POLR1E: variants seen among roughly 807,000 people sequenced by gnomAD.
POLR1E encodes RNA polymerase I subunit E.
A neutral mutation model predicts 50.9 loss-of-function variants in POLR1E; 37 were observed. The observed-to-expected ratio is 0.73, with a 90% CI of 0.56 to 0.96. The LOEUF (loss-of-function observed/expected upper bound fraction) is 0.96. POLR1E is among the 40% of genes least tolerant of loss of function. POLR1E has a pLI of 0.00. For missense variants in POLR1E, 426 were observed against 518.1 expected (o/e 0.82, Z 1.73); for synonymous variants, 166 against 191.6 (o/e 0.87, Z 1.10).
intron 4 of POLR1E, among the ~76,000 whole-genome samples, chr9:37,490,244 C>A (rs1235956104): frequency 6.6e-6 from 1 of 152,162 alleles, no homozygotes; most frequent in Non-Finnish European, 1.5e-5. Context: ...CAATAAGCTA[C>A]CTCACGTCTT....
chr9:37,490,988 T>C (rs1040768927), intron 4 of POLR1E: 2 of 279,190 alleles, frequency 7.2e-6, no homozygotes, highest in African/African-American at 4.5e-5. Context: ...TTAGAATTTC[T>C]GGTAGACAAA....
Position 37,486,812 on chromosome 9 carries a change from T to G in POLR1E, c.180+6T>G. On this transcript the variant is annotated splice_donor_region_variant and intron_variant, in intron 2 of 11. Coordinates refer to ENST00000377798, the MANE Select transcript of POLR1E (RefSeq NM_022490.4). ...AGAGGAATCAACGGATCCTGGTAAG[T>G]GAAGCAGTTGCCAGCTGTCTCCACT... 1 of 1,603,424 alleles carries G rather than the reference T, an allele frequency of 6.2e-7. No homozygotes were observed. Among genetic ancestry groups the G allele is most frequent in the Non-Finnish European group, 8.5e-7 (1 of 1,176,194 alleles).
intron 4 of POLR1E, among the ~76,000 whole-genome samples, chr9:37,491,466 A>AT (rs35743467): frequency 0.026 from 3,790 of 145,682 alleles, 144 homozygotes; most frequent in African/African-American, 0.084. Context: ...TTTATACATA[A>AT]TTTTTTTTTT....
intron 4 of POLR1E, 140 bp downstream of exon 4, chr9:37,489,540 T>A: frequency 1.5e-6 from 1 of 656,550 alleles, no homozygotes; most frequent in African/African-American, 1.9e-5. Flanking sequence ...TTTGTCTGTG[T>A]TGAGAAAATG....
chr9:37,498,336 A>G, intron 9 of POLR1E, 112 bp downstream of exon 9: 2 of 1,199,924 alleles, frequency 1.7e-6, no homozygotes, highest in South Asian at 3.1e-5. Context: ...CCAAGTCTTT[A>G]CTGTCAACTG....
At chr9:37,501,005 T>A in intron 10 of POLR1E, 84 bp downstream of exon 10, 2 of 1,311,798 alleles carry the variant, frequency 1.5e-6, no homozygotes, top group South Asian at 1.3e-5. Flanking sequence ...TTGGACTCAA[T>A]TCCATGTCCA....
At chr9:37,502,294 A>G (rs1820904855) in intron 11 of POLR1E, among the ~76,000 whole-genome samples, 1 of 152,184 alleles carries the variant, frequency 6.6e-6, no homozygotes, top group Non-Finnish European at 1.5e-5. Flanking sequence ...GGACAACCCA[A>G]TTTGAGCTTA....
chr9:37,491,297 G>A lies in POLR1E; in HGVS notation c.344-1360G>A, dbSNP rs149357754. ...ACAAGAAAGAAACATTGGGAGCATT[G>A]TGAATCTGCCTGATACCTCAGAGGC... On this transcript the variant is annotated intron_variant, in intron 4 of 11. Transcript: ENST00000377798. 3.4e-3 allele frequency among the ~76,000 whole-genome samples: 519 copies of A among 152,250 alleles called. 6 individuals are homozygous for A. The highest frequency in any genetic ancestry group is 0.012 in the African/African-American group (488 of 41,530).
chr9:37,497,897 G>C (rs969329538), intron 8 of POLR1E, among the ~76,000 whole-genome samples, 194 bp from the exon 9 acceptor site: 2 of 152,130 alleles, frequency 1.3e-5, no homozygotes, highest in African/African-American at 4.8e-5. Flanking sequence ...CGAGTAGCTG[G>C]GACCACACAC....
chr9:37,503,342 C>G lies in POLR1E; in HGVS notation c.*140C>G. ...CCTGAAATCCCAGCACTTTGGGAGG[C>G]CGAGGCAGGAAGATCATTGAGCTCA... On this transcript the variant is annotated 3_prime_UTR_variant, in exon 12 of 12. Transcript: ENST00000377798. 9.5e-7 allele frequency: 1 copy of G among 1,049,338 alleles called. No homozygotes were observed. The highest frequency in any genetic ancestry group is 1.3e-6 in the Non-Finnish European group (1 of 763,156). The allele number at this position is 1,049,338 out of a possible 1,614,324, so 65.0% of individuals were successfully genotyped here.
chr9:37,493,288 G>A (rs896137092), intron 5 of POLR1E, among the ~76,000 whole-genome samples: 1 of 152,214 alleles, frequency 6.6e-6, no homozygotes, highest in Non-Finnish European at 1.5e-5. Flanking sequence ...CATAGGATGG[G>A]AGAATGGTAA....
intron 9 of POLR1E, among the ~76,000 whole-genome samples, chr9:37,499,564 C>T (rs1225540569): frequency 6.6e-6 from 1 of 152,082 alleles, no homozygotes; most frequent in East Asian, 1.9e-4. Flanking sequence ...CAGTATCTCG[C>T]TCTGTCACCC....
At chr9:37,495,000 A>G (rs1043017126) in intron 6 of POLR1E, among the ~76,000 whole-genome samples, 169 bp from the exon 7 acceptor site, 18 of 152,224 alleles carry the variant, frequency 1.2e-4, no homozygotes, top group African/African-American at 2.2e-4. Context: ...ATGAGTGAAC[A>G]TGGCAGTCCT....
At chr9:37,486,221 G>T in intron 1 of POLR1E, 98 bp downstream of exon 1, 1 of 1,421,512 alleles carries the variant, frequency 7.0e-7, no homozygotes, top group Non-Finnish European at 9.4e-7. Context: ...CTTCTCCCCA[G>T]CGGGGCCGGG....
chr9:37,499,953 G>C (rs755928444), intron 9 of POLR1E, among the ~76,000 whole-genome samples: 114 of 147,640 alleles, frequency 7.7e-4, no homozygotes, highest in Non-Finnish European at 1.4e-3. Context: ...TGGGTTCAAG[G>C]GATTCTCCTG....
chr9:37,503,103 C>T lies in POLR1E; in HGVS notation c.1161C>T (p.Ala387=), dbSNP rs146720826. The change falls in exon 12 of 12, where the codon GCC becomes GCT. Residue 387 remains alanine, a synonymous_variant. Coordinates refer to ENST00000377798, the MANE Select transcript of POLR1E (RefSeq NM_022490.4). ...TCTCCAAAAGAAGGGTGTCTGTGGC[C>T]GCCGGCAGTGAAGAAGATCACAAGC... ...LKISKRRVSV[A]AGSEEDHKLG... is the part of the protein sequence containing the mutation. 1.6e-5 allele frequency: 26 copies of T among 1,614,012 alleles called. 1 individual carries two copies. In the South Asian group the frequency reaches 2.1e-4, roughly 13 times the overall value.
chr9:37,488,104 G>A (rs910181669), intron 3 of POLR1E, among the ~76,000 whole-genome samples, 165 bp downstream of exon 3: 3 of 152,202 alleles, frequency 2.0e-5, no homozygotes, highest in Non-Finnish European at 4.4e-5. Flanking sequence ...CCCTGCACGT[G>A]TAGACGTTGC....
At chr9:37,492,070 G>A (rs1820695645) in intron 4 of POLR1E, among the ~76,000 whole-genome samples, 1 of 150,224 alleles carries the variant, frequency 6.7e-6, no homozygotes, top group Non-Finnish European at 1.5e-5. Context: ...CCAACCTTCT[G>A]GAGTAAGTAC....
chr9:37,490,405 AT>A (rs1387629382), intron 4 of POLR1E: 1 of 741,206 alleles, frequency 1.3e-6, no homozygotes, highest in South Asian at 1.4e-5. Context: ...GAGGTCTTTC[AT>A]TTTTTAAACA....
Sources: gnomAD v4.1 joint callset for allele counts (sites outside exome capture counted in the v4.1 genomes callset) on GRCh38, gnomAD v4.1.1 for gene constraint, MANE v1.5 for transcripts, NCBI Gene and HGNC (gene_info 2026-07-23, HGNC 2026-07-21) for gene names.